Variants in SCEL observed in about 807,000 individuals in gnomAD.
SCEL encodes the protein sciellin.
SCEL carries 113 observed loss-of-function variants against 117.6 expected under a neutral mutation model. The ratio of observed to expected loss-of-function variants is 0.96; its 90% CI spans 0.83 to 1.12. The LOEUF (loss-of-function observed/expected upper bound fraction) is 1.12, where lower values mean the gene tolerates loss of function less well. Ranked by LOEUF, SCEL falls within the 50% of genes most tolerant of loss-of-function variation. SCEL has a pLI of 0.00. For synonymous variants in SCEL, 270 were observed against 256.2 expected (o/e 1.05, Z -0.51); for missense variants, 785 against 810.8 (o/e 0.97, Z 0.39).
At chr13:77,608,138 C>A in intron 20 of SCEL, 23 bp downstream of exon 20, 2 of 1,535,332 alleles carry the variant, frequency 1.3e-6, no homozygotes, top group African/African-American at 1.4e-5. Flanking sequence ...TCTTACCTCT[C>A]TTCCTTCCCC....
At chr13:77,606,913 A>G (rs1038652882) in intron 19 of SCEL, among the ~76,000 whole-genome samples, 2 of 152,208 alleles carry the variant, frequency 1.3e-5, no homozygotes, top group African/African-American at 2.4e-5. Context: ...TACTGCTGCT[A>G]CTGGTATGCA....
At chr13:77,618,316 G>A (rs1181800375) in intron 27 of SCEL, among the ~76,000 whole-genome samples, 3 of 151,980 alleles carry the variant, frequency 2.0e-5, no homozygotes, top group Non-Finnish European at 2.9e-5. Flanking sequence ...GAGTAACTGG[G>A]ACTACAGGTG....
intron 1 of SCEL, among the ~76,000 whole-genome samples, chr13:77,539,657 C>T (rs1269451595): frequency 6.6e-6 from 1 of 152,064 alleles, no homozygotes; most frequent in African/African-American, 2.4e-5. Flanking sequence ...GCCTCAGCCT[C>T]CCGAATAGCT....
intron 28 of SCEL, among the ~76,000 whole-genome samples, chr13:77,633,482 CAA>C (rs1278057996): frequency 7.9e-6 from 1 of 127,340 alleles, no homozygotes; most frequent in Non-Finnish European, 1.7e-5. Flanking sequence ...CAGGCAAACA[CAA>C]AGAGAGTCAC....
At chr13:77,579,858 G>A (rs2154398654) in intron 9 of SCEL, among the ~76,000 whole-genome samples, 1 of 152,256 alleles carries the variant, frequency 6.6e-6, no homozygotes, top group East Asian at 1.9e-4. Flanking sequence ...AAGGAGAGGA[G>A]GAGCAAAGTT....
At chr13:77,613,554 G>A (rs1436278536) in intron 23 of SCEL, among the ~76,000 whole-genome samples, 1 of 152,130 alleles carries the variant, frequency 6.6e-6, no homozygotes, top group Non-Finnish European at 1.5e-5. Flanking sequence ...CAGAGGGAGG[G>A]TGTTGGGGAA....
At chr13:77,628,386 T>G (rs1846064782) in intron 28 of SCEL, among the ~76,000 whole-genome samples, 1 of 152,014 alleles carries the variant, frequency 6.6e-6, no homozygotes. Flanking sequence ...CTCTCAGCAG[T>G]GCAGAAAGCA....
At chr13:77,623,859 T>C (rs1374459465) in intron 27 of SCEL, among the ~76,000 whole-genome samples, 1 of 152,180 alleles carries the variant, frequency 6.6e-6, no homozygotes, top group Non-Finnish European at 1.5e-5. Flanking sequence ...AGAAAATATA[T>C]GTAATCACGT....
At chr13:77,572,014 C>T (rs1443680943) in intron 8 of SCEL, 110 bp from the exon 9 acceptor site, 3 of 872,120 alleles carry the variant, frequency 3.4e-6, no homozygotes, top group Non-Finnish European at 5.6e-6. Flanking sequence ...ATTTTACTTC[C>T]AAGGTTTGGT....
At chr13:77,622,604 G>A (rs949153350) in intron 27 of SCEL, among the ~76,000 whole-genome samples, 1 of 152,198 alleles carries the variant, frequency 6.6e-6, no homozygotes, top group Non-Finnish European at 1.5e-5. Context: ...CCAGGTACCT[G>A]TAATTCTGGT....
intron 19 of SCEL, chr13:77,606,334 GTCCTTATGGACTC>G (rs2088185420): frequency 6.6e-6 from 1 of 152,110 alleles, no homozygotes; most frequent in Non-Finnish European, 1.5e-5. Flanking sequence ...CGTATGCGTA[GTCCTTATGGACTC>G]TATGAACTAT....
At chr13:77,560,419 G>A (rs78402553) in intron 4 of SCEL, among the ~76,000 whole-genome samples, 3,767 of 152,140 alleles carry the variant, frequency 0.025, 159 homozygotes, top group East Asian at 0.13. Flanking sequence ...CCTGGGTGAC[G>A]GAAGAAGACC....
rs2087526402 is a variant in SCEL at position 77,599,814 on chromosome 13, A to T, written c.917+66A>T. ...GATGGTGTACTATTTTCTGGAGGAG[A>T]CCTCCTGCTTAGTACAAGGGTCAGG... On this transcript the variant is annotated intron_variant, in intron 15 of 32. Transcript: ENST00000349847. The T allele has an allele frequency of 4.4e-6, 5 of 1,135,698 alleles. No individual in the cohort carries two copies. The East Asian group carries it at 1.2e-4, about 27-fold the overall frequency. 70.4% of individuals were successfully genotyped at this position (1,135,698 alleles called of 1,614,324 possible). A position where few individuals can be genotyped will look rare whatever the true frequency, so the allele number is the denominator to read the frequency against.
In SCEL at chr13:77,601,335, C is replaced by T. The variant is rs192675367; in HGVS notation, c.918-730C>T. Among the ~76,000 whole-genome samples the T allele has an allele frequency of 2.0e-3, 307 of 152,234 alleles. 1 individual carries two copies. Among genetic ancestry groups the T allele is most frequent in the African/African-American group, 7.1e-3 (297 of 41,540 alleles). The stretch of plus-strand genomic sequence containing the variant: ...TTGGTGCAGGAATAACTGATCTTGT[C>T]TGCATGGTAGGGAAAAAGTCCTAGT... On this transcript the variant is annotated intron_variant, in intron 15 of 32. Coordinates refer to ENST00000349847, the MANE Select transcript of SCEL (RefSeq NM_144777.3).
At chr13:77,585,418 A>T (rs1424881035) in intron 9 of SCEL, among the ~76,000 whole-genome samples, 1 of 152,132 alleles carries the variant, frequency 6.6e-6, no homozygotes, top group African/African-American at 2.4e-5. Flanking sequence ...GGGGTGCATT[A>T]GGAAGGGTAA....
intron 5 of SCEL, among the ~76,000 whole-genome samples, chr13:77,565,425 G>C (rs907093233): frequency 6.6e-5 from 10 of 152,106 alleles, no homozygotes; most frequent in African/African-American, 2.2e-4. Context: ...CTCAAAAGCA[G>C]GCCCAGAGAT....
chr13:77,630,760 G>A (rs557139932), intron 28 of SCEL, among the ~76,000 whole-genome samples: 52 of 152,230 alleles, frequency 3.4e-4, no homozygotes, highest in African/African-American at 1.1e-3. Context: ...ACAATGTTTG[G>A]GTTTGTATTT....
At chr13:77,611,732 G>A (rs2088651814) in intron 22 of SCEL, among the ~76,000 whole-genome samples, 1 of 152,090 alleles carries the variant, frequency 6.6e-6, no homozygotes, top group African/African-American at 2.4e-5. Context: ...TGGACAAATT[G>A]CTCAACCTCC....
chr13:77,555,860 C>T lies in SCEL; in HGVS notation c.-16C>T. 1.2e-6 allele frequency: 2 copies of T among 1,609,766 alleles called. No individual in the cohort carries two copies. The highest frequency in any genetic ancestry group is 1.7e-6 in the Non-Finnish European group (2 of 1,176,214). ...CTATTTCCCATTTTTCTTTTAGGTC[C>T]TTACTGGAAGGCAGCATGTCCAATG... On this transcript the variant is annotated 5_prime_UTR_variant, in exon 2 of 33. Transcript: ENST00000349847.
Sources: allele counts gnomAD v4.1 joint callset (sites outside exome capture counted in the v4.1 genomes callset), GRCh38; gene constraint gnomAD v4.1.1; transcripts MANE v1.5; gene names NCBI Gene and HGNC (gene_info 2026-07-23, HGNC 2026-07-21).